Variants in PTPRU observed in about 807,000 individuals in gnomAD.
PTPRU encodes the protein protein tyrosine phosphatase receptor type U, also known as receptor-type tyrosine-protein phosphatase U.
A neutral mutation model predicts 166.3 loss-of-function variants in PTPRU; 69 were observed. The observed-to-expected ratio is 0.41, with a 90% confidence interval of 0.34 to 0.51. The LOEUF (loss-of-function observed/expected upper bound fraction) is 0.51. Among genes scored for constraint, PTPRU ranks in the 20% least tolerant of loss-of-function variants. The pLI is 0.09. For missense variants in PTPRU, 1,657 were observed against 2,013.7 expected, an observed-to-expected ratio of 0.82 and a Z score of 3.39; for synonymous variants, 793 against 814.0, an observed-to-expected ratio of 0.97 and a Z score of 0.44.
At chr1:29,303,255 C>T (rs180986336) in intron 15 of PTPRU, among the ~76,000 whole-genome samples, 77 of 152,152 alleles carry the variant, frequency 5.1e-4, no homozygotes, top group African/African-American at 1.6e-3. Context: ...CCTGGGGGCT[C>T]GGGGGAGGAT....
chr1:29,297,900 A>G (rs1383841663), intron 15 of PTPRU, among the ~76,000 whole-genome samples: 1 of 152,086 alleles, frequency 6.6e-6, no homozygotes, highest in Non-Finnish European at 1.5e-5. Flanking sequence ...TTTTGGTGAG[A>G]TGGGTATGGT....
Position 29,311,660 on chromosome 1 carries a change from C to T in PTPRU, c.2973C>T (p.Tyr991=), listed in dbSNP as rs2151966739. The T allele has an allele frequency of 6.2e-7, 1 of 1,614,200 alleles. No individual in the cohort carries two copies. Among genetic ancestry groups the T allele is most frequent in the South Asian group, 1.1e-5 (1 of 91,080 alleles). Reference sequence around the variant, plus strand: ...GCCTCTAGGTGAAATGCTCACGGTACTGGCCGGAGGACTCAGACACCTACG... The same window carrying T: ...GCCTCTAGGTGAAATGCTCACGGTATTGGCCGGAGGACTCAGACACCTACG... ...VEVGRVKCSR[Y]WPEDSDTYGD... is the part of the protein sequence containing the mutation. Residue 991 remains tyrosine, a synonymous_variant, in exon 21 of 30, where the codon TAC becomes TAT. Coordinates refer to ENST00000373779, the MANE Select transcript of PTPRU (RefSeq NM_133178.4). This position sits in a 1 kb window ranked among gnomAD's most constrained non-coding sequence, Gnocchi z 4.1.
At chr1:29,289,725 A>G (rs1686533761) in intron 14 of PTPRU, 1 of 1,613,484 alleles carries the variant, frequency 6.2e-7, no homozygotes, top group Non-Finnish European at 8.5e-7. Flanking sequence ...AAGTAGCTCT[A>G]CCTTGCCTGG....
In PTPRU at chr1:29,303,721, C is replaced by T. The variant is rs902755273; in HGVS notation, c.2477-134C>T. 10 of 946,390 alleles carry T rather than the reference C, an allele frequency of 1.1e-5. No individual in the cohort carries two copies. In the East Asian group the frequency reaches 2.3e-4, roughly 22 times the overall value. 58.6% of individuals were successfully genotyped at this position (946,390 alleles called of 1,614,324 possible). On this transcript the variant is annotated intron_variant, in intron 15 of 29. Coordinates refer to ENST00000373779, the MANE Select transcript of PTPRU (RefSeq NM_133178.4). ...ACACAGGGTGGGCCTGGCTAGGCTGCTTGGCTCCAGCCAACAACCCAGCTA... is the reference window on the plus strand; with the variant it reads ...ACACAGGGTGGGCCTGGCTAGGCTGTTTGGCTCCAGCCAACAACCCAGCTA...
chr1:29,240,682 C>A (rs554381073), intron 1 of PTPRU, among the ~76,000 whole-genome samples: 5 of 152,186 alleles, frequency 3.3e-5, no homozygotes, highest in African/African-American at 1.2e-4. Context: ...CTGGCCCCAC[C>A]CCTAGCAGCT....
Position 29,280,649 on chromosome 1 carries a change from C to CTGTGTGTG in PTPRU, c.1868+532_1868+539dup, listed in dbSNP as rs140481299. Among the ~76,000 whole-genome samples the CTGTGTGTG allele has an allele frequency of 1.3e-3, 183 of 144,110 alleles. 2 individuals are homozygous for CTGTGTGTG. The highest frequency in any genetic ancestry group is 4.2e-3 in the African/African-American group (166 of 39,178). The allele number at this position is 144,110 out of a possible 152,430, so 94.5% of individuals were successfully genotyped here. On this transcript the variant is annotated intron_variant, in intron 11 of 29. Transcript: ENST00000373779. The surrounding 1 kb of genome is among the most constrained non-coding windows in gnomAD (Gnocchi z 4.2). ...TGGGGAGAGGGTGCTGGAGACAAGA[C>CTGTGTGTG]TGTGTGTGTGTGTGTGTGTGTGTGT...
Position 29,310,980 on chromosome 1 carries a change from C to T in PTPRU, c.2857+200C>T, listed in dbSNP as rs80016448. On this transcript the variant is annotated intron_variant, in intron 19 of 29. Transcript: ENST00000373779. Reference sequence around the variant, plus strand: ...TTGGAATCTGGCCAACTGCCTTTGTCCCCTCTTTGTGTTTGTGTCTCCCTG... The same window carrying T: ...TTGGAATCTGGCCAACTGCCTTTGTTCCCTCTTTGTGTTTGTGTCTCCCTG... Among the ~76,000 whole-genome samples, 19 of 152,270 alleles carry T rather than the reference C, an allele frequency of 1.2e-4. No homozygotes were observed. In the East Asian group the frequency reaches 3.5e-3, roughly 28 times the overall value.
chr1:29,316,177 GTGTGTGTGTGTGTGTC>G (rs1372537433), intron 24 of PTPRU, 26 bp downstream of exon 24: 1 of 1,455,796 alleles, frequency 6.9e-7, no homozygotes, highest in East Asian at 2.5e-5. Flanking sequence ...GTGTGTATAG[GTGTGTGTGTGTGTGTC>G]TGTGTGTGTG....
chr1:29,262,828 G>A (rs1244603145), intron 7 of PTPRU, among the ~76,000 whole-genome samples: 1 of 151,938 alleles, frequency 6.6e-6, no homozygotes, highest in Admixed American at 6.6e-5. Context: ...GTACTCTTTA[G>A]CAGTCATCCC....
chr1:29,309,461 C>A (rs1229892444), intron 18 of PTPRU, among the ~76,000 whole-genome samples: 2 of 152,072 alleles, frequency 1.3e-5, no homozygotes, highest in Non-Finnish European at 2.9e-5. Flanking sequence ...TAGTCAATCG[C>A]CTTCTGCCCC....
At position 29,305,395 on chromosome 1, in the gene PTPRU, C is replaced by CAGTGCCGACTACATT; in HGVS notation, c.2788_2789insGTGCCGACTACATTA (p.Pro929_Asn930insSerAlaAspTyrIle). 6.2e-7 allele frequency: 1 copy of CAGTGCCGACTACATT among 1,614,046 alleles called. No individual in the cohort carries two copies. Among genetic ancestry groups the CAGTGCCGACTACATT allele is most frequent in the Non-Finnish European group, 8.5e-7 (1 of 1,180,034 alleles). On this transcript the variant is annotated inframe_insertion, in exon 18 of 30. Transcript: ENST00000373779. ...AACTGCACCCGATGCTGGGAGACCCCAATGCCGACTACATTAATGCCAACT... is the reference window on the plus strand; with the variant it reads ...AACTGCACCCGATGCTGGGAGACCCCAGTGCCGACTACATTAATGCCGACTACATTAATGCCAACT...
chr1:29,298,290 C>T (rs1164227621), intron 15 of PTPRU, among the ~76,000 whole-genome samples: 1 of 147,316 alleles, frequency 6.8e-6, no homozygotes, highest in East Asian at 2.1e-4. Flanking sequence ...AAAAAAAAAA[C>T]CAAAACGTGT....
In PTPRU at chr1:29,275,519, C is replaced by A. The variant is rs753860935; in HGVS notation, c.1216C>A (p.Pro406Thr). ...QARQLTLQWE[P>T]LGYNVTRCHT... ...CCGTCAGCTGACCCTGCAGTGGGAACCACTGGGCTACAACGTGACGCGTTG... is the reference window on the plus strand; with the variant it reads ...CCGTCAGCTGACCCTGCAGTGGGAAACACTGGGCTACAACGTGACGCGTTG... The change falls in exon 8 of 30, where the codon CCA becomes ACA. Residue 406 changes from proline (P) to threonine (T), a missense_variant. Pro to Thr is a conservative substitution (Grantham distance 38). This residue lies in a region of PTPRU where 1,190 missense variants were observed against 1,477.4 expected (regional missense o/e 0.81). Transcript: ENST00000373779. 5.0e-6 allele frequency: 8 copies of A among 1,614,188 alleles called. No individual in the cohort carries two copies. Among genetic ancestry groups the A allele is most frequent in the Non-Finnish European group, 6.8e-6 (8 of 1,180,014 alleles).
rs769494708 is a variant in PTPRU at position 29,259,822 on chromosome 1, A to G, written c.676-48A>G. ...GGGCCCGGGTCAGAGCGAGATCGGG[A>G]CCCCTCGCTCCGAGGCGCCCCTGAC... is the stretch of plus-strand genomic sequence containing the variant. On this transcript the variant is annotated intron_variant, in intron 5 of 29. Transcript: ENST00000373779. 2.9e-5 allele frequency: 43 copies of G among 1,484,006 alleles called. No individual in the cohort carries two copies. In the East Asian group the frequency reaches 1.0e-3, roughly 35 times the overall value. 91.9% of individuals were successfully genotyped at this position (1,484,006 alleles called of 1,614,324 possible). A position where few individuals can be genotyped will look rare whatever the true frequency, so the allele number is the denominator to read the frequency against.
chr1:29,249,359 G>A (rs573826006), intron 1 of PTPRU, among the ~76,000 whole-genome samples: 37 of 152,330 alleles, frequency 2.4e-4, no homozygotes, highest in African/African-American at 4.6e-4. Flanking sequence ...TGTGGCTGAC[G>A]GTTGCTCAGG....
Position 29,312,617 on chromosome 1 carries a change from C to T in PTPRU, c.3138C>T (p.Val1046=). ...TCACAGCGTGGCCAGAGCATGGCGT[C>T]CCCTACCATGCCACGGGGCTGCTGG... ...FHFTAWPEHG[V]PYHATGLLAF... The change falls in exon 22 of 30, where the codon GTC becomes GTT. Residue 1046 remains valine, a synonymous_variant. Coordinates refer to ENST00000373779, the MANE Select transcript of PTPRU (RefSeq NM_133178.4). The T allele has an allele frequency of 1.9e-6, 3 of 1,611,518 alleles. No individual in the cohort carries two copies. The highest frequency in any genetic ancestry group is 2.2e-5 in the East Asian group (1 of 44,818).
intron 5 of PTPRU, 29 bp from the exon 6 acceptor site, chr1:29,259,841 C>T: frequency 6.6e-7 from 1 of 1,518,314 alleles, no homozygotes; most frequent in Non-Finnish European, 8.8e-7. Context: ...TCCGAGGCGC[C>T]CCTGACCCCC....
chr1:29,251,267 A>T (rs1187981423), intron 1 of PTPRU, among the ~76,000 whole-genome samples: 1 of 152,050 alleles, frequency 6.6e-6, no homozygotes, highest in African/African-American at 2.4e-5. Context: ...AAAAAAAAAA[A>T]AGGAATCACT....
chr1:29,294,722 T>A (rs1383399706), intron 15 of PTPRU, among the ~76,000 whole-genome samples: 1 of 152,240 alleles, frequency 6.6e-6, no homozygotes, highest in African/African-American at 2.4e-5. Context: ...TCTTTATCCA[T>A]CTGGAATTGA....
Sources: allele counts gnomAD v4.1 joint callset (sites outside exome capture counted in the v4.1 genomes callset), GRCh38; gene constraint gnomAD v4.1.1; regional missense constraint gnomAD v4.1.1; non-coding constraint Gnocchi (gnomAD v3.1); transcripts MANE v1.5; gene names NCBI Gene and HGNC (gene_info 2026-07-23, HGNC 2026-07-21).